The following NCALD variants were observed in gnomAD, a reference collection of about 807,000 sequenced individuals.
NCALD encodes neurocalcin-delta.
Under a neutral mutation model 18.6 loss-of-function variants are expected in NCALD, and 10 were observed. The observed-to-expected ratio is 0.54, with a 90% CI of 0.33 to 0.91. NCALD has a LOEUF of 0.91. Ranked by LOEUF, NCALD falls within the 40% of genes least tolerant of loss-of-function variation. The pLI is 0.03. For missense variants in NCALD, 184 were observed against 247.6 expected (o/e 0.74, Z 1.72); for synonymous variants, 88 against 87.4 (o/e 1.01, Z -0.04).
chr8:101,734,688 C>G (rs1816996414), intron 1 of NCALD, among the ~76,000 whole-genome samples: 2 of 152,136 alleles, frequency 1.3e-5, no homozygotes, highest in Admixed American at 1.3e-4. Flanking sequence ...CCTAAATGAC[C>G]CAGGCCATTC....
intron 3 of NCALD, among the ~76,000 whole-genome samples, chr8:101,914,606 T>C (rs1357835070): frequency 6.6e-6 from 1 of 152,242 alleles, no homozygotes; most frequent in African/African-American, 2.4e-5. Flanking sequence ...TTATTCATCA[T>C]GTATTTATAT....
At chr8:101,849,335 G>A (rs1814999636) in intron 4 of NCALD, among the ~76,000 whole-genome samples, 1 of 152,072 alleles carries the variant, frequency 6.6e-6, no homozygotes, top group African/African-American at 2.4e-5. Context: ...TGCACATCCT[G>A]CACATGTACC....
Position 101,714,889 on chromosome 8 carries a change from C to T in NCALD, c.378+4363G>A, listed in dbSNP as rs183605407. Among the ~76,000 whole-genome samples the T allele has an allele frequency of 6.5e-3, 974 of 150,558 alleles. 12 individuals carry two copies. The highest frequency in any genetic ancestry group is 9.6e-3 in the Non-Finnish European group (654 of 67,934). ...GCGGGCACCTGTAGTCCCAGCTACT[C>T]GGGAGGCTGAGGCAGGAGAATGGCG... On this transcript the variant is annotated intron_variant, in intron 2 of 3. Coordinates refer to ENST00000220931, the MANE Select transcript of NCALD (RefSeq NM_032041.3).
At chr8:101,782,845 T>A (rs1292126033) in intron 1 of NCALD, among the ~76,000 whole-genome samples, 4 of 152,204 alleles carry the variant, frequency 2.6e-5, no homozygotes, top group Admixed American at 2.0e-4. Context: ...TCCTGCATGA[T>A]GCTGGGCACT....
chr8:102,060,070 T>C (rs1294475763), intron 1 of NCALD, among the ~76,000 whole-genome samples: 2 of 152,214 alleles, frequency 1.3e-5, no homozygotes, highest in Non-Finnish European at 2.9e-5. Flanking sequence ...AAGCTTCGCC[T>C]CCCAGGTTCA....
At chr8:101,927,799 C>A (rs1221988157) in intron 2 of NCALD, among the ~76,000 whole-genome samples, 1 of 152,068 alleles carries the variant, frequency 6.6e-6, no homozygotes, top group Non-Finnish European at 1.5e-5. Context: ...GCATCCAATC[C>A]CAGACTTCAG....
chr8:101,797,825 A>T (rs1461806653), intron 4 of NCALD, among the ~76,000 whole-genome samples: 2 of 152,078 alleles, frequency 1.3e-5, no homozygotes, highest in Non-Finnish European at 2.9e-5. Flanking sequence ...AAAAAAAAAA[A>T]AGAGGAGTGT....
intron 2 of NCALD, among the ~76,000 whole-genome samples, chr8:101,986,191 T>C (rs918937676): frequency 2.2e-4 from 34 of 152,146 alleles, no homozygotes; most frequent in African/African-American, 7.5e-4. Flanking sequence ...CCACCATGCC[T>C]GGCTAATTTT....
intron 2 of NCALD, among the ~76,000 whole-genome samples, chr8:102,004,057 G>A (rs959226842): frequency 1.3e-5 from 2 of 150,980 alleles, no homozygotes; most frequent in Non-Finnish European, 3.0e-5. Flanking sequence ...GGAAATAAAG[G>A]GTATTCAATT....
intron 1 of NCALD, among the ~76,000 whole-genome samples, chr8:102,047,729 A>G (rs996922695): frequency 2.0e-5 from 3 of 152,166 alleles, no homozygotes; most frequent in African/African-American, 7.2e-5. Context: ...TATGTAATTT[A>G]CTTCTACGGA....
At chr8:101,746,349 A>G (rs1810423768) in intron 1 of NCALD, among the ~76,000 whole-genome samples, 1 of 152,260 alleles carries the variant, frequency 6.6e-6, no homozygotes, top group African/African-American at 2.4e-5. Context: ...ATAATACCTT[A>G]TAAGGTATGG....
intron 4 of NCALD, among the ~76,000 whole-genome samples, chr8:101,823,789 T>TGACA (rs1813819680): frequency 6.6e-6 from 1 of 152,160 alleles, no homozygotes; most frequent in Non-Finnish European, 1.5e-5. Flanking sequence ...TGGTGGAGGC[T>TGACA]GACAACCACC....
chr8:101,930,162 AAAG>A (rs1818519700), intron 2 of NCALD, among the ~76,000 whole-genome samples: 1 of 152,218 alleles, frequency 6.6e-6, no homozygotes, highest in Non-Finnish European at 1.5e-5. Flanking sequence ...TTTAAAAACT[AAAG>A]AATAGCTTAG....
intron 1 of NCALD, among the ~76,000 whole-genome samples, chr8:102,107,866 G>A (rs1373644506): frequency 6.6e-6 from 1 of 152,184 alleles, no homozygotes; most frequent in Non-Finnish European, 1.5e-5. Context: ...GCGTCTCAGT[G>A]CCTCTGACCC....
At chr8:101,855,704 G>A (rs1815288705) in intron 4 of NCALD, among the ~76,000 whole-genome samples, 1 of 152,036 alleles carries the variant, frequency 6.6e-6, no homozygotes, top group African/African-American at 2.4e-5. Context: ...GTGCATAGGT[G>A]GAAAATGACA....
chr8:101,887,826 G>A (rs1368259793), intron 3 of NCALD, among the ~76,000 whole-genome samples: 1 of 152,030 alleles, frequency 6.6e-6, no homozygotes, highest in Non-Finnish European at 1.5e-5. Context: ...TTGTTTCATT[G>A]AGCTGGGGAA....
intron 2 of NCALD, among the ~76,000 whole-genome samples, chr8:101,714,767 C>T (rs1326894114): frequency 3.3e-5 from 5 of 151,032 alleles, no homozygotes; most frequent in South Asian, 2.1e-4. Flanking sequence ...GAGGCCGAGG[C>T]GGGTGGATCA....
chr8:101,715,784 G>A (rs1387673550), intron 2 of NCALD, among the ~76,000 whole-genome samples: 1 of 152,204 alleles, frequency 6.6e-6, no homozygotes, highest in Admixed American at 6.5e-5. Context: ...TCTCATGCCA[G>A]TTAGAATGGT....
chr8:101,917,363 A>C (rs1818007161), intron 2 of NCALD, among the ~76,000 whole-genome samples: 1 of 152,110 alleles, frequency 6.6e-6, no homozygotes, highest in African/African-American at 2.4e-5. Flanking sequence ...TTATAGCACT[A>C]AACACCTACC....
Sources: gnomAD v4.1 joint callset for allele counts (sites outside exome capture counted in the v4.1 genomes callset) on GRCh38, gnomAD v4.1.1 for gene constraint, MANE v1.5 for transcripts, NCBI Gene and HGNC (gene_info 2026-07-23, HGNC 2026-07-21) for gene names.